ALDH5A1: variants seen among roughly 807,000 people sequenced by gnomAD.
ALDH5A1 encodes the protein succinate-semialdehyde dehydrogenase, mitochondrial.
Under a neutral mutation model 54.7 loss-of-function variants are expected in ALDH5A1, and 33 were observed. That is an observed-to-expected ratio of 0.60 (90% CI 0.46 to 0.81). The LOEUF (loss-of-function observed/expected upper bound fraction) is 0.81, where lower values mean the gene tolerates loss of function less well. ALDH5A1 is among the 30% of genes least tolerant of loss of function. The probability of loss-of-function intolerance (pLI) is 0.00; values close to 1 mark genes in which losing one functional copy is unlikely to be tolerated. For missense variants in ALDH5A1, 657 were observed against 711.0 expected, an observed-to-expected ratio of 0.92 and a Z score of 0.86; for synonymous variants, 294 against 292.7, an observed-to-expected ratio of 1.00 and a Z score of -0.05.
At chr6:24,506,925 TTTA>T (rs3032267) in intron 4 of ALDH5A1, among the ~76,000 whole-genome samples, 91,457 of 151,788 alleles carry the variant, frequency 0.6, 27,948 homozygotes, top group Middle Eastern at 0.69. Context: ...ATTCTCAGAT[TTTA>T]TTAGTCTGTA....
In ALDH5A1 at chr6:24,518,187, A is replaced by G. The variant is rs887230955; in HGVS notation, c.871-2214A>G. Among the ~76,000 whole-genome samples the G allele has an allele frequency of 3.3e-5, 5 of 152,206 alleles. No homozygotes were observed. The highest frequency in any genetic ancestry group is 5.9e-5 in the Non-Finnish European group (4 of 68,036). ...CTGTTTCTTTCTCTTTCTTTTGCCT[A>G]TTAAACTTCTGCTCCTAAACTCAAA... On this transcript the variant is annotated intron_variant, in intron 5 of 9. Transcript: ENST00000357578. This position sits in a 1 kb window ranked among gnomAD's most constrained non-coding sequence, Gnocchi z 4.2.
At chr6:24,507,667 T>TGGGA (rs1461414354) in intron 4 of ALDH5A1, among the ~76,000 whole-genome samples, 2,869 of 152,296 alleles carry the variant, frequency 0.019, 60 homozygotes, top group African/African-American at 0.055. Flanking sequence ...TAGGAACTCC[T>TGGGA]GATATCCATG....
At chr6:24,506,490 A>G (rs920415629) in intron 4 of ALDH5A1, among the ~76,000 whole-genome samples, 33 of 151,454 alleles carry the variant, frequency 2.2e-4, no homozygotes, top group Non-Finnish European at 4.3e-4. Context: ...TGACCTCGTG[A>G]TCCACCCGCC....
Position 24,495,152 on chromosome 6 carries a change from G to A in ALDH5A1, c.156G>A (p.Ala52=), listed in dbSNP as rs1379009989. ...AQLRCYAGRL[A]GLSAALLRTD... ...TCCGCTGCTACGCTGGGCGCCTGGC[G>A]GGCCTCTCTGCGGCGCTGCTGCGCA... Residue 52 remains alanine (A), a synonymous_variant, in exon 1 of 10, where the codon GCG becomes GCA. Coordinates refer to ENST00000357578, the MANE Select transcript of ALDH5A1 (RefSeq NM_001080.3). 2 of 1,431,160 alleles carry A rather than the reference G, an allele frequency of 1.4e-6. No individual in the cohort carries two copies. The highest frequency in any genetic ancestry group is 2.8e-5 in the Admixed American group (1 of 35,790). The allele number at this position is 1,431,160 out of a possible 1,614,324, so 88.7% of individuals were successfully genotyped here. A position where few individuals can be genotyped will look rare whatever the true frequency, so the allele number is the denominator to read the frequency against.
intron 4 of ALDH5A1, among the ~76,000 whole-genome samples, chr6:24,514,736 A>AAAAG (rs1050304495): frequency 6.6e-6 from 1 of 151,976 alleles, no homozygotes; most frequent in East Asian, 1.9e-4. Flanking sequence ...TTAAAAAAAA[A>AAAAG]AAAGAAAGAA....
Position 24,495,408 on chromosome 6 carries a change from G to A in ALDH5A1, c.354+58G>A, listed in dbSNP as rs1275396023. 4 of 1,497,592 alleles carry A rather than the reference G, an allele frequency of 2.7e-6. No individual in the cohort carries two copies. The East Asian group carries it at 7.7e-5, about 29-fold the overall frequency. The allele number at this position is 1,497,592 out of a possible 1,614,324, so 92.8% of individuals were successfully genotyped here. A position where few individuals can be genotyped will look rare whatever the true frequency, so the allele number is the denominator to read the frequency against. On this transcript the variant is annotated intron_variant, in intron 1 of 9. Coordinates refer to ENST00000357578, the MANE Select transcript of ALDH5A1 (RefSeq NM_001080.3). ...GGCCGGGGACACGGCGGGGAGCAGA[G>A]GGGGCTTTACCCCAAAGTGACACCA... is the stretch of plus-strand genomic sequence containing the variant.
At chr6:24,530,840 C>T (rs1759924032) in intron 8 of ALDH5A1, among the ~76,000 whole-genome samples, 1 of 152,186 alleles carries the variant, frequency 6.6e-6, no homozygotes. Context: ...CGCATTGATC[C>T]AGGGACCCAG....
chr6:24,528,422 G>T (rs571628932), intron 8 of ALDH5A1, among the ~76,000 whole-genome samples: 1 of 151,990 alleles, frequency 6.6e-6, no homozygotes. Context: ...CAGTGCAATG[G>T]TGCGATCTTG....
intron 2 of ALDH5A1, among the ~76,000 whole-genome samples, chr6:24,502,929 AT>A (rs1206143565): frequency 6.7e-6 from 1 of 149,538 alleles, no homozygotes; most frequent in African/African-American, 2.5e-5. Context: ...GTTTTTGTAC[AT>A]TTTTTAATGT....
chr6:24,509,706 CTCTCT>C lies in ALDH5A1; in HGVS notation c.726+4730_726+4734del, dbSNP rs1447170895. 6.6e-6 allele frequency among the ~76,000 whole-genome samples: 1 copy of C among 151,964 alleles called. No homozygotes were observed. The highest frequency in any genetic ancestry group is 2.4e-5 in the African/African-American group (1 of 41,392). On this transcript the variant is annotated intron_variant, in intron 4 of 9. Transcript: ENST00000357578. The surrounding 1 kb of genome is among the most constrained non-coding windows in gnomAD (Gnocchi z 4.7). ...TTCTAATTGAGATTATTTGGATTTT[CTCTCT>C]TCTCTTCTAATGGTCTATCAATTTT...
At chr6:24,529,918 C>T (rs1355041661) in intron 8 of ALDH5A1, among the ~76,000 whole-genome samples, 5 of 151,766 alleles carry the variant, frequency 3.3e-5, no homozygotes, top group African/African-American at 4.8e-5. Flanking sequence ...GTGATCCACC[C>T]GCCTCAGCAT....
At chr6:24,507,258 G>C (rs781754232) in intron 4 of ALDH5A1, among the ~76,000 whole-genome samples, 2 of 152,036 alleles carry the variant, frequency 1.3e-5, no homozygotes, top group African/African-American at 2.4e-5. Context: ...AATGTTGACA[G>C]TAGTCTGGGC....
chr6:24,517,078 C>T (rs188099106), intron 5 of ALDH5A1, among the ~76,000 whole-genome samples: 68 of 152,164 alleles, frequency 4.5e-4, no homozygotes, highest in Non-Finnish European at 7.5e-4. Flanking sequence ...GTGATCTTGG[C>T]TAACTGTAAC....
intron 4 of ALDH5A1, among the ~76,000 whole-genome samples, chr6:24,512,979 C>T (rs1158174574): frequency 3.9e-5 from 6 of 152,008 alleles, no homozygotes; most frequent in Non-Finnish European, 7.4e-5. Flanking sequence ...TGTGAGCCAC[C>T]GCACCTGGCC....
chr6:24,496,072 T>G (rs1182512762), intron 1 of ALDH5A1, among the ~76,000 whole-genome samples: 7 of 152,142 alleles, frequency 4.6e-5, no homozygotes, highest in Non-Finnish European at 1.0e-4. Context: ...GTCAACGCAG[T>G]GAAATTTTTT....
chr6:24,532,390 T>TA (rs1759954487), intron 9 of ALDH5A1, among the ~76,000 whole-genome samples: 1 of 152,238 alleles, frequency 6.6e-6, no homozygotes, highest in African/African-American at 2.4e-5. Context: ...GCTCTCTAAT[T>TA]ACAGCTGTGG....
At chr6:24,514,006 G>T (rs981711932) in intron 4 of ALDH5A1, among the ~76,000 whole-genome samples, 4 of 152,158 alleles carry the variant, frequency 2.6e-5, no homozygotes, top group African/African-American at 4.8e-5. Context: ...GATATTGAGG[G>T]AGACTCACAA....
At chr6:24,506,738 T>C in intron 4 of ALDH5A1, among the ~76,000 whole-genome samples, 1 of 152,372 alleles carries the variant, frequency 6.6e-6, no homozygotes, top group Middle Eastern at 3.4e-3. Flanking sequence ...TTTTTAGTAA[T>C]AAACTTTTAT....
In ALDH5A1 at chr6:24,508,047, A is replaced by G. The variant is rs549185966; in HGVS notation, c.726+3062A>G. Among the ~76,000 whole-genome samples the G allele has an allele frequency of 1.1e-4, 16 of 152,110 alleles. No homozygotes were observed. The East Asian group carries it at 3.1e-3, about 30-fold the overall frequency. ...GAGAACATATGATGTTTAGTTTTCCATTCCTGAGTTACTTAACTTAGAATA... is the reference window on the plus strand; with the variant it reads ...GAGAACATATGATGTTTAGTTTTCCGTTCCTGAGTTACTTAACTTAGAATA... On this transcript the variant is annotated intron_variant, in intron 4 of 9. Transcript: ENST00000357578.
Sources: gnomAD v4.1 joint callset for allele counts (sites outside exome capture counted in the v4.1 genomes callset) on GRCh38, gnomAD v4.1.1 for gene constraint, Gnocchi (gnomAD v3.1) non-coding constraint, MANE v1.5 for transcripts, NCBI Gene and HGNC (gene_info 2026-07-23, HGNC 2026-07-21) for gene names.